Variants in FANCC observed in about 807,000 individuals in gnomAD.
FANCC encodes Fanconi anemia group C protein.
FANCC carries 55 observed loss-of-function variants against 71.3 expected under a neutral mutation model. That is an observed-to-expected ratio of 0.77 (90% CI 0.62 to 0.97). The LOEUF is 0.97. Among genes scored for constraint, FANCC ranks in the 50% least tolerant of loss-of-function variants. The pLI is 0.00. For synonymous variants in FANCC, 275 were observed against 244.9 expected (o/e 1.12, Z -1.15); for missense variants, 678 against 670.9 (o/e 1.01, Z -0.12).
intron 4 of FANCC, among the ~76,000 whole-genome samples, chr9:95,217,660 T>C (rs1358605335): frequency 6.9e-6 from 1 of 144,920 alleles, no homozygotes; most frequent in Non-Finnish European, 1.5e-5. Context: ...TCTCATGGTG[T>C]AAATAAAGAA....
At chr9:95,184,636 G>C (rs1215019801) in intron 4 of FANCC, among the ~76,000 whole-genome samples, 1 of 152,202 alleles carries the variant, frequency 6.6e-6, no homozygotes, top group Non-Finnish European at 1.5e-5. Flanking sequence ...ACTCAATGCA[G>C]TACCAGTAAC....
intron 7 of FANCC, among the ~76,000 whole-genome samples, chr9:95,139,371 C>T (rs1359946274): frequency 6.6e-6 from 1 of 152,136 alleles, no homozygotes; most frequent in Non-Finnish European, 1.5e-5. Context: ...TGTGGTGCCA[C>T]TGAAGAAAAT....
chr9:95,136,403 C>T (rs1438779261), intron 7 of FANCC, among the ~76,000 whole-genome samples: 1 of 151,758 alleles, frequency 6.6e-6, no homozygotes, highest in Non-Finnish European at 1.5e-5. Flanking sequence ...AATCCAATTT[C>T]ATATATGGTA....
At chr9:95,149,072 CA>C (rs1189900200) in intron 7 of FANCC, among the ~76,000 whole-genome samples, 4 of 151,794 alleles carry the variant, frequency 2.6e-5, no homozygotes, top group Admixed American at 2.6e-4. Flanking sequence ...TTTTGTCAAA[CA>C]TTTTTTTTTT....
intron 4 of FANCC, among the ~76,000 whole-genome samples, chr9:95,207,365 T>G (rs779808555): frequency 6.6e-6 from 1 of 152,174 alleles, no homozygotes; most frequent in African/African-American, 2.4e-5. Flanking sequence ...GTAGTGCTCC[T>G]GCCAAGAAGA....
intron 1 of FANCC, among the ~76,000 whole-genome samples, chr9:95,288,414 C>T (rs991605204): frequency 6.6e-6 from 1 of 152,196 alleles, no homozygotes; most frequent in African/African-American, 2.4e-5. Context: ...ACTTGAAAAC[C>T]GCTAGGCTAT....
In FANCC at chr9:95,104,946, GTC is replaced by G. The variant is rs2071326967; in HGVS notation, c.1533+2118_1533+2119del. 2.6e-5 allele frequency among the ~76,000 whole-genome samples: 4 copies of G among 152,200 alleles called. No individual in the cohort carries two copies. In the South Asian group the frequency reaches 8.3e-4, roughly 31 times the overall value. On this transcript the variant is annotated intron_variant, in intron 14 of 14. Transcript: ENST00000289081. ...CACCCATAGGTGAGAGCATGCATTT[GTC>G]TCTCGCGTCTGGCTTATTTCGCTCA...
chr9:95,300,437 T>C (rs1230087655), intron 1 of FANCC, among the ~76,000 whole-genome samples: 1 of 151,006 alleles, frequency 6.6e-6, no homozygotes, highest in Non-Finnish European at 1.5e-5. Flanking sequence ...AAGAAGTCTG[T>C]AGGAAATAAA....
chr9:95,103,373 T>C (rs1372493677), intron 14 of FANCC, among the ~76,000 whole-genome samples: 1 of 152,198 alleles, frequency 6.6e-6, no homozygotes, highest in South Asian at 2.1e-4. Flanking sequence ...GTGGGTTCAA[T>C]TCATTTTGAG....
chr9:95,131,900 G>A (rs922762374), intron 8 of FANCC, among the ~76,000 whole-genome samples: 1 of 151,866 alleles, frequency 6.6e-6, no homozygotes, highest in African/African-American at 2.4e-5. Flanking sequence ...GGAGAATGAG[G>A]GAAAAAAACA....
At chr9:95,186,941 G>A (rs555086067) in intron 4 of FANCC, among the ~76,000 whole-genome samples, 22 of 152,084 alleles carry the variant, frequency 1.4e-4, no homozygotes, top group Middle Eastern at 3.4e-3. Flanking sequence ...ACAGGCATGC[G>A]CCACCACGCC....
intron 3 of FANCC, 30 bp from the exon 4 acceptor site, chr9:95,240,773 T>C: frequency 1.5e-6 from 2 of 1,307,752 alleles, no homozygotes; most frequent in Non-Finnish European, 1.1e-6. Flanking sequence ...ATAAGTTTTA[T>C]CAAGCAGAAA....
chr9:95,289,055 T>C (rs1193781966), intron 1 of FANCC, among the ~76,000 whole-genome samples: 1 of 152,110 alleles, frequency 6.6e-6, no homozygotes, highest in African/African-American at 2.4e-5. Context: ...GAGCTACGGA[T>C]CATGCCACTG....
At position 95,099,359 on chromosome 9, in the gene FANCC, T is replaced by C. The variant is rs1489120592; in HGVS notation, c.*2348A>G. ...GTTCCTTCCAGGGTGGCTTCACGCC[T>C]TGCCATCCCTGCCTCCCTGCGGCTG... On this transcript the variant is annotated 3_prime_UTR_variant, in exon 15 of 15. Transcript: ENST00000289081. 4.4e-6 allele frequency: 1 copy of C among 227,984 alleles called. No homozygotes were observed. Among genetic ancestry groups the C allele is most frequent in the African/African-American group, 2.2e-5 (1 of 44,778 alleles). The allele number at this position is 227,984 out of a possible 1,614,324, so 14.1% of individuals were successfully genotyped here.
chr9:95,202,904 A>C (rs550169567), intron 4 of FANCC, among the ~76,000 whole-genome samples: 28 of 152,220 alleles, frequency 1.8e-4, no homozygotes, highest in Non-Finnish European at 3.1e-4. Context: ...GAATGGCATG[A>C]GATCACATAT....
chr9:95,120,090 CTCAGTG>C (rs140832459), intron 10 of FANCC, among the ~76,000 whole-genome samples: 3,439 of 152,256 alleles, frequency 0.023, 141 homozygotes, highest in African/African-American at 0.079. Context: ...CTTAGATCAC[CTCAGTG>C]TCAAACAGAT....
At chr9:95,153,763 G>T (rs1226664345) in intron 6 of FANCC, among the ~76,000 whole-genome samples, 1 of 152,128 alleles carries the variant, frequency 6.6e-6, no homozygotes, top group Non-Finnish European at 1.5e-5. Flanking sequence ...TCTGTTGGTT[G>T]TCTGTTTATT....
intron 1 of FANCC, chr9:95,292,970 T>A: frequency 6.3e-7 from 1 of 1,577,870 alleles, no homozygotes. Flanking sequence ...TCTACCGAAC[T>A]GGCCACGAGA....
chr9:95,115,764 T>C (rs1249478562), intron 11 of FANCC, among the ~76,000 whole-genome samples: 1 of 152,254 alleles, frequency 6.6e-6, no homozygotes, highest in East Asian at 1.9e-4. Flanking sequence ...CGGCCCTTGG[T>C]GCACAGCCTT....
Sources: gnomAD v4.1 joint callset for allele counts (sites outside exome capture counted in the v4.1 genomes callset) on GRCh38, gnomAD v4.1.1 for gene constraint, MANE v1.5 for transcripts, NCBI Gene and HGNC (gene_info 2026-07-23, HGNC 2026-07-21) for gene names.